Variants in GATAD2B observed in about 807,000 individuals in gnomAD.
The protein encoded by GATAD2B is GATA zinc finger domain containing 2B.
A neutral mutation model predicts 64.3 loss-of-function variants in GATAD2B; 8 were observed. The ratio of observed to expected loss-of-function variants is 0.12; its 90% CI spans 0.07 to 0.22. GATAD2B has a LOEUF of 0.22. GATAD2B is among the 10% of genes least tolerant of loss of function. GATAD2B has a pLI of 1.00. For synonymous variants in GATAD2B, 281 were observed against 271.3 expected (o/e 1.04, Z -0.35); for missense variants, 453 against 752.0 (o/e 0.60, Z 4.65).
At chr1:153,875,704 AAGGT>A (rs1557817019) in intron 1 of GATAD2B, among the ~76,000 whole-genome samples, 1 of 151,098 alleles carries the variant, frequency 6.6e-6, no homozygotes, top group Non-Finnish European at 1.5e-5. Context: ...AAAAAAAAAA[AAGGT>A]AGCCACAAGC....
chr1:153,877,419 C>T (rs181817246), intron 1 of GATAD2B, among the ~76,000 whole-genome samples: 52 of 151,986 alleles, frequency 3.4e-4, no homozygotes, highest in Non-Finnish European at 6.3e-4. Flanking sequence ...TACTCTTCAG[C>T]CACTCCAAAA....
intron 1 of GATAD2B, among the ~76,000 whole-genome samples, chr1:153,892,517 T>C (rs536516552): frequency 6.6e-6 from 1 of 152,246 alleles, no homozygotes; most frequent in South Asian, 2.1e-4. Flanking sequence ...AATACATAGC[T>C]GCTCATAACA....
intron 1 of GATAD2B, among the ~76,000 whole-genome samples, chr1:153,843,913 G>A (rs1675589487): frequency 6.6e-6 from 1 of 151,558 alleles, no homozygotes; most frequent in Admixed American, 6.6e-5. Flanking sequence ...AGAGTGACAA[G>A]AAGCAAATGA....
intron 2 of GATAD2B, 119 bp downstream of exon 2, chr1:153,827,894 T>C (rs1047923298): frequency 4.0e-6 from 3 of 744,848 alleles, no homozygotes; most frequent in Admixed American, 2.8e-5. Flanking sequence ...AACTCGATGA[T>C]ATATCTTCTT....
chr1:153,897,767 C>G (rs1677640690), intron 1 of GATAD2B, among the ~76,000 whole-genome samples: 1 of 151,974 alleles, frequency 6.6e-6, no homozygotes, highest in African/African-American at 2.4e-5. Flanking sequence ...AGACAGTTGG[C>G]CAATATATTT....
intron 1 of GATAD2B, among the ~76,000 whole-genome samples, chr1:153,841,380 G>A (rs537413162): frequency 9.2e-5 from 14 of 152,192 alleles, no homozygotes; most frequent in Admixed American, 2.6e-4. Context: ...TTAAGAAACA[G>A]CACCGTTCCA....
At chr1:153,911,095 T>C (rs1487083521) in intron 1 of GATAD2B, among the ~76,000 whole-genome samples, 1 of 152,160 alleles carries the variant, frequency 6.6e-6, no homozygotes, top group Non-Finnish European at 1.5e-5. Context: ...GGAACACAGA[T>C]GTTCCAGGGA....
intron 1 of GATAD2B, among the ~76,000 whole-genome samples, chr1:153,887,444 G>C (rs1333700631): frequency 6.6e-6 from 1 of 152,198 alleles, no homozygotes; most frequent in Non-Finnish European, 1.5e-5. Context: ...TATTTGGGAA[G>C]ATGTATTTAT....
intron 1 of GATAD2B, among the ~76,000 whole-genome samples, chr1:153,921,670 C>T (rs1678435137): frequency 6.6e-6 from 1 of 152,088 alleles, no homozygotes; most frequent in South Asian, 2.1e-4. Flanking sequence ...TCTCAGGAGG[C>T]TACCTGATTT....
At chr1:153,850,543 G>A (rs941540861) in intron 1 of GATAD2B, among the ~76,000 whole-genome samples, 4 of 151,972 alleles carry the variant, frequency 2.6e-5, no homozygotes, top group African/African-American at 7.3e-5. Context: ...CAAGTGATCC[G>A]CCCACATCAG....
chr1:153,918,067 G>C (rs1044786444), intron 1 of GATAD2B, among the ~76,000 whole-genome samples: 3 of 152,200 alleles, frequency 2.0e-5, no homozygotes, highest in African/African-American at 7.2e-5. Context: ...TTCTAAGATA[G>C]AGTGTGACTG....
At chr1:153,859,679 TAATAAAAAAA>T (rs1449977849) in intron 1 of GATAD2B, among the ~76,000 whole-genome samples, 1 of 114,448 alleles carries the variant, frequency 8.7e-6, no homozygotes, top group Non-Finnish European at 1.8e-5. Flanking sequence ...CAAAAAAAAA[TAATAAAAAAA>T]AAAAAAGACC....
chr1:153,873,316 T>C (rs1048424269), intron 1 of GATAD2B, among the ~76,000 whole-genome samples: 3 of 152,232 alleles, frequency 2.0e-5, no homozygotes, highest in African/African-American at 7.2e-5. Flanking sequence ...ATCTCTCTTC[T>C]TTGTACTTCG....
At chr1:153,919,080 A>C (rs1425391879) in intron 1 of GATAD2B, among the ~76,000 whole-genome samples, 1 of 152,248 alleles carries the variant, frequency 6.6e-6, no homozygotes. Flanking sequence ...GTTATTATTA[A>C]TAACAAGTTC....
chr1:153,841,124 C>CAAAAAAA (rs941317761), intron 1 of GATAD2B, among the ~76,000 whole-genome samples: 28 of 77,360 alleles, frequency 3.6e-4, no homozygotes, highest in South Asian at 8.0e-4. Context: ...GACTCCGTCT[C>CAAAAAAA]AAAAAAAAAA....
chr1:153,824,433 T>C (rs1042957770), intron 2 of GATAD2B, among the ~76,000 whole-genome samples: 1 of 151,722 alleles, frequency 6.6e-6, no homozygotes, highest in Non-Finnish European at 1.5e-5. Context: ...ATCGAGACCA[T>C]CTGGCCAACA....
chr1:153,852,106 G>A (rs1675917799), intron 1 of GATAD2B: 3 of 618,504 alleles, frequency 4.9e-6, no homozygotes, highest in Admixed American at 5.0e-5. Flanking sequence ...AGTTTAATGA[G>A]TTTTGTGCTC....
chr1:153,913,917 C>CA (rs529962637), intron 1 of GATAD2B, among the ~76,000 whole-genome samples: 33,944 of 99,780 alleles, frequency 0.34, 4,783 homozygotes, highest in Admixed American at 0.44. Context: ...AAGACTCTGT[C>CA]AAAAAAAAAA....
At chr1:153,826,783 A>T (rs979849269) in intron 2 of GATAD2B, among the ~76,000 whole-genome samples, 3 of 151,840 alleles carry the variant, frequency 2.0e-5, no homozygotes. Context: ...CTACAAAAGT[A>T]TTCAAAAATT....
Sources: allele counts gnomAD v4.1 joint callset (sites outside exome capture counted in the v4.1 genomes callset), GRCh38; gene constraint gnomAD v4.1.1; transcripts MANE v1.5; gene names NCBI Gene and HGNC (gene_info 2026-07-23, HGNC 2026-07-21).